The following DOCK4 variants were observed in gnomAD, a reference collection of about 807,000 sequenced individuals.
DOCK4 encodes dedicator of cytokinesis 4.
Under a neutral mutation model 268.1 loss-of-function variants are expected in DOCK4, and 97 were observed. The ratio of observed to expected loss-of-function variants is 0.36; its 90% CI spans 0.31 to 0.43. The LOEUF (loss-of-function observed/expected upper bound fraction) is 0.43. Ranked by LOEUF, DOCK4 falls within the 20% of genes least tolerant of loss-of-function variation. The pLI is 1.00. For missense variants in DOCK4, 2,145 were observed against 2,455.7 expected (o/e 0.87, Z 2.67); for synonymous variants, 954 against 887.2 (o/e 1.08, Z -1.34).
chr7:112,113,074 G>A lies in DOCK4; in HGVS notation c.37+93028C>T, dbSNP rs376525636. On this transcript the variant is annotated intron_variant, in intron 1 of 52. Coordinates refer to ENST00000428084, the MANE Select transcript of DOCK4 (RefSeq NM_001363540.2). ...ATACTACTGCATATTCAATAAAAACGAGCATGCAAATAAAGAACAACAACA... is the reference window on the plus strand; with the variant it reads ...ATACTACTGCATATTCAATAAAAACAAGCATGCAAATAAAGAACAACAACA... Among the ~76,000 whole-genome samples, 323 of 152,278 alleles carry A rather than the reference G, an allele frequency of 2.1e-3. 1 individual carries two copies. Among genetic ancestry groups the A allele is most frequent in the African/African-American group, 7.5e-3 (310 of 41,558 alleles).
At chr7:112,201,236 C>T (rs1036551431) in intron 1 of DOCK4, among the ~76,000 whole-genome samples, 1 of 152,134 alleles carries the variant, frequency 6.6e-6, no homozygotes, top group Non-Finnish European at 1.5e-5. Flanking sequence ...TCTTCTTCCA[C>T]CAACATAGAA....
At position 112,190,318 on chromosome 7, in the gene DOCK4, C is replaced by T. The variant is rs527796925; in HGVS notation, c.37+15784G>A. Among the ~76,000 whole-genome samples the T allele has an allele frequency of 2.0e-5, 3 of 152,158 alleles. No individual in the cohort carries two copies. The South Asian group carries it at 6.2e-4, about 32-fold the overall frequency. On this transcript the variant is annotated intron_variant, in intron 1 of 52. Coordinates refer to ENST00000428084, the MANE Select transcript of DOCK4 (RefSeq NM_001363540.2). ...AAGTCGGACAGTTTCAAAACAGCAGCAGCAAAGGCCCTGAGAGAGGCAGCT... is the reference window on the plus strand; with the variant it reads ...AAGTCGGACAGTTTCAAAACAGCAGTAGCAAAGGCCCTGAGAGAGGCAGCT...
intron 1 of DOCK4, among the ~76,000 whole-genome samples, chr7:112,160,701 G>C (rs1365087584): frequency 6.6e-6 from 1 of 152,226 alleles, no homozygotes; most frequent in East Asian, 1.9e-4. Flanking sequence ...AAAGAAAACA[G>C]AATGTTCCTT....
chr7:112,055,874 C>T (rs371653399), intron 1 of DOCK4, among the ~76,000 whole-genome samples: 91 of 150,518 alleles, frequency 6.0e-4, no homozygotes, highest in African/African-American at 1.9e-3. Flanking sequence ...TGCCACTGCA[C>T]GTCTCCAGCC....
At chr7:112,038,139 A>T (rs1804005413) in intron 1 of DOCK4, among the ~76,000 whole-genome samples, 1 of 152,248 alleles carries the variant, frequency 6.6e-6, no homozygotes, top group Non-Finnish European at 1.5e-5. Flanking sequence ...ATATTTGAAG[A>T]GGCTGATATT....
In DOCK4 at chr7:111,977,048, G is replaced by GAAAAA; in HGVS notation, c.701+83_701+84insTTTTT. On this transcript the variant is annotated intron_variant, in intron 8 of 52. Transcript: ENST00000428084. ...AGCTGACGGAGTAAAAAATATACAA[G>GAAAAA]ATATATATCTTACAGCTTGCCAATC... The GAAAAA allele has an allele frequency of 2.1e-6, 3 of 1,457,282 alleles. No homozygotes were observed. The South Asian group carries it at 4.2e-5, about 21-fold the overall frequency. The allele number at this position is 1,457,282 out of a possible 1,614,324, so 90.3% of individuals were successfully genotyped here.
chr7:111,793,149 C>T (rs1446386987), intron 30 of DOCK4, among the ~76,000 whole-genome samples: 1 of 152,196 alleles, frequency 6.6e-6, no homozygotes, highest in East Asian at 1.9e-4. Context: ...GCATTTCTGT[C>T]ATGATAAAAC....
intron 17 of DOCK4, among the ~76,000 whole-genome samples, chr7:111,873,820 T>A (rs1457580388): frequency 6.6e-6 from 1 of 152,136 alleles, no homozygotes; most frequent in Non-Finnish European, 1.5e-5. Flanking sequence ...GGAATGTTTA[T>A]CTGCAACAAA....
intron 1 of DOCK4, among the ~76,000 whole-genome samples, chr7:112,113,198 A>T (rs906952805): frequency 2.0e-5 from 3 of 152,182 alleles, no homozygotes; most frequent in African/African-American, 7.2e-5. Context: ...AGCCAAAGAG[A>T]TCTGTTCGTG....
chr7:111,749,752 A>T (rs1796508131), intron 42 of DOCK4, among the ~76,000 whole-genome samples: 1 of 152,256 alleles, frequency 6.6e-6, no homozygotes, highest in Non-Finnish European at 1.5e-5. Context: ...GCATTCAAAA[A>T]ATGCTGAAAC....
At chr7:111,959,116 C>T (rs773979541) in intron 8 of DOCK4, among the ~76,000 whole-genome samples, 1 of 151,820 alleles carries the variant, frequency 6.6e-6, no homozygotes, top group Non-Finnish European at 1.5e-5. Flanking sequence ...ACAGGAGGCC[C>T]GAGGGAAGGT....
chr7:111,783,018 G>GAAAAAAAAAAA, intron 34 of DOCK4, 94 bp from the exon 35 acceptor site: 13 of 513,156 alleles, frequency 2.5e-5, no homozygotes, highest in Admixed American at 4.1e-5. Context: ...AAGAAAGAAA[G>GAAAAAAAAAAA]AAAAAAAAAA....
rs1468463329 is a variant in DOCK4, at chr7:111,847,089, G to T, written c.2511C>A (p.His837Gln). The T allele has an allele frequency of 6.2e-7, 1 of 1,613,842 alleles. No homozygotes were observed. The highest frequency in any genetic ancestry group is 2.2e-5 in the East Asian group (1 of 44,870). ...RYILLPVVLH[H>Q]LHIHLQEQKD... ...TCTGTTCTTGCAAGTGAATGTGGAG[G>T]TGATGTAACACGACAGGCAGAAGAA... Residue 837 changes from histidine (H) to glutamine (Q), a missense_variant, in exon 24 of 53, where the codon CAC becomes CAA. By Grantham distance (24) the His-to-Gln change is conservative (BLOSUM62 0). Coordinates refer to ENST00000428084, the MANE Select transcript of DOCK4 (RefSeq NM_001363540.2).
At chr7:111,905,013 A>C (rs1791444325) in intron 13 of DOCK4, among the ~76,000 whole-genome samples, 1 of 152,240 alleles carries the variant, frequency 6.6e-6, no homozygotes, top group Non-Finnish European at 1.5e-5. Context: ...TGAAAAGAGA[A>C]TACATGACAA....
rs746542238 is a variant in DOCK4, at chr7:111,755,604, A to G, written c.4330-3T>C. On this transcript the variant is annotated splice_region_variant and splice_polypyrimidine_tract_variant and intron_variant, in intron 41 of 52. Coordinates refer to ENST00000428084, the MANE Select transcript of DOCK4 (RefSeq NM_001363540.2). ...GACGTTCTCTCCACCCAGAGACTCT[A>G]CAAAACACAAAACACATTAAGTCTC... is the stretch of plus-strand genomic sequence containing the variant. 2 of 1,613,472 alleles carry G rather than the reference A, an allele frequency of 1.2e-6. No individual in the cohort carries two copies. Among genetic ancestry groups the G allele is most frequent in the Non-Finnish European group, 8.5e-7 (1 of 1,179,504 alleles).
intron 8 of DOCK4, among the ~76,000 whole-genome samples, chr7:111,969,261 A>C (rs1467404883): frequency 6.6e-6 from 1 of 152,036 alleles, no homozygotes; most frequent in African/African-American, 2.4e-5. Context: ...GACTGAAAAA[A>C]AAAAAGAATG....
chr7:111,858,597 C>G (rs1350451689), intron 23 of DOCK4, among the ~76,000 whole-genome samples: 1 of 152,182 alleles, frequency 6.6e-6, no homozygotes, highest in East Asian at 1.9e-4. Flanking sequence ...TGCATTTGGA[C>G]TTGGACTTGA....
rs79937078 is a variant in DOCK4, at chr7:111,852,931, A to G, written c.2474-5805T>C. Among the ~76,000 whole-genome samples the G allele has an allele frequency of 9.7e-3, 1,476 of 152,352 alleles. 21 individuals are homozygous for G. Among genetic ancestry groups the G allele is most frequent in the African/African-American group, 0.031 (1,293 of 41,570 alleles). On this transcript the variant is annotated intron_variant, in intron 23 of 52. Coordinates refer to ENST00000428084, the MANE Select transcript of DOCK4 (RefSeq NM_001363540.2). ...CATTCACTAACTTTCCATGCATTTAACAACAGAATCTGCCGTGCAGGTTCT... is the reference window on the plus strand; with the variant it reads ...CATTCACTAACTTTCCATGCATTTAGCAACAGAATCTGCCGTGCAGGTTCT...
chr7:111,825,429 C>A (rs910591426), intron 26 of DOCK4, among the ~76,000 whole-genome samples: 1 of 151,948 alleles, frequency 6.6e-6, no homozygotes, highest in Non-Finnish European at 1.5e-5. Context: ...CTGTCCTCTC[C>A]GAGTACTTTT....
Sources: allele counts gnomAD v4.1 joint callset (sites outside exome capture counted in the v4.1 genomes callset), GRCh38; gene constraint gnomAD v4.1.1; transcripts MANE v1.5; gene names NCBI Gene and HGNC (gene_info 2026-07-23, HGNC 2026-07-21).